Variants in WDR89 observed in about 807,000 individuals in gnomAD.
WDR89 encodes WD repeat-containing protein 89.
Under a neutral mutation model 29.1 loss-of-function variants are expected in WDR89, and 17 were observed. The observed-to-expected ratio is 0.58, with a 90% confidence interval of 0.40 to 0.88. WDR89 has a LOEUF of 0.88. Ranked by LOEUF, WDR89 falls within the 40% of genes least tolerant of loss-of-function variation. WDR89 has a pLI of 0.00. For missense variants in WDR89, 396 were observed against 456.3 expected (o/e 0.87, Z 1.20); for synonymous variants, 138 against 157.8 (o/e 0.87, Z 0.94).
At chr14:63,631,928 C>G (rs886397363) in intron 1 of WDR89, among the ~76,000 whole-genome samples, 12 of 151,252 alleles carry the variant, frequency 7.9e-5, no homozygotes, top group Non-Finnish European at 1.5e-4. Context: ...CCTGGCCAAC[C>G]TGGCGAAAAC....
chr14:63,605,041 T>C (rs1895245599), intron 2 of WDR89, among the ~76,000 whole-genome samples: 1 of 151,984 alleles, frequency 6.6e-6, no homozygotes, highest in South Asian at 2.1e-4. Flanking sequence ...TCCCATCTAC[T>C]GGGGAGGCTG....
rs1266935524 is a variant in WDR89, at chr14:63,598,345, TTAAACA to T, written c.*428_*433del. ...ACTCCAGCATAATACATTAGGTGTA[TTAAACA>T]TATAGATGCTCCTCAGATGAAGAAT... On this transcript the variant is annotated 3_prime_UTR_variant, in exon 3 of 3. Transcript: ENST00000620954. 6.5e-6 allele frequency: 1 copy of T among 153,806 alleles called. No individual in the cohort carries two copies. The highest frequency in any genetic ancestry group is 2.4e-5 in the African/African-American group (1 of 41,504). 9.5% of individuals were successfully genotyped at this position (153,806 alleles called of 1,614,324 possible).
chr14:63,610,702 C>CTTTTTTT (rs1009799974), intron 2 of WDR89, among the ~76,000 whole-genome samples: 5 of 129,140 alleles, frequency 3.9e-5, no homozygotes, highest in Admixed American at 7.9e-5. Context: ...CTTTTCTTTT[C>CTTTTTTT]TTTTTTTTTT....
chr14:63,609,689 C>T lies in WDR89; in HGVS notation c.-31-9716G>A, dbSNP rs1200153177. Among the ~76,000 whole-genome samples, 3 of 152,110 alleles carry T rather than the reference C, an allele frequency of 2.0e-5. No individual in the cohort carries two copies. The East Asian group carries it at 5.8e-4, about 29-fold the overall frequency. On this transcript the variant is annotated intron_variant, in intron 2 of 2. Coordinates refer to ENST00000620954, the MANE Select transcript of WDR89 (RefSeq NM_080666.4). ...CCTATAATCCCAGCTACATGGGAGG[C>T]TGAGGCAGGAGAATTGCTTATACCT...
chr14:63,612,363 T>C (rs1238331642), intron 2 of WDR89, among the ~76,000 whole-genome samples: 1 of 151,240 alleles, frequency 6.6e-6, no homozygotes, highest in Non-Finnish European at 1.5e-5. Flanking sequence ...ATCTCCTCTG[T>C]CGCCCGGGCT....
intron 1 of WDR89, among the ~76,000 whole-genome samples, chr14:63,632,127 C>CAAAA (rs530305788): frequency 7.2e-6 from 1 of 139,154 alleles, no homozygotes; most frequent in Non-Finnish European, 1.6e-5. Flanking sequence ...AACAAACAAA[C>CAAAA]AAAAAAAAAA....
intron 2 of WDR89, among the ~76,000 whole-genome samples, chr14:63,616,258 T>C (rs73263615): frequency 6.6e-6 from 1 of 151,912 alleles, no homozygotes; most frequent in Non-Finnish European, 1.5e-5. Flanking sequence ...TGAGACTCTG[T>C]CTCAATACCA....
chr14:63,609,173 C>CA (rs1411541975), intron 2 of WDR89, among the ~76,000 whole-genome samples: 2 of 151,450 alleles, frequency 1.3e-5, no homozygotes, highest in Non-Finnish European at 2.9e-5. Context: ...GATAGAAACA[C>CA]AAAGCAGAAG....
chr14:63,632,308 C>T (rs1487536182), intron 1 of WDR89, among the ~76,000 whole-genome samples: 1 of 151,934 alleles, frequency 6.6e-6, no homozygotes, highest in Non-Finnish European at 1.5e-5. Context: ...ATTCTGTTAT[C>T]AGACTATAGG....
intron 2 of WDR89, chr14:63,618,210 A>C (rs1463251982): frequency 2.0e-5 from 3 of 152,256 alleles, no homozygotes; most frequent in African/African-American, 7.2e-5. Context: ...GCTGGAGTAC[A>C]ATGGCACAAT....
chr14:63,613,382 T>C (rs1017488909), intron 2 of WDR89, among the ~76,000 whole-genome samples: 55 of 152,196 alleles, frequency 3.6e-4, no homozygotes, highest in Non-Finnish European at 7.5e-4. Context: ...TATTCATTGT[T>C]TTAAAAAACT....
intron 1 of WDR89, among the ~76,000 whole-genome samples, chr14:63,638,704 G>A (rs1883904197): frequency 6.6e-6 from 1 of 152,138 alleles, no homozygotes; most frequent in African/African-American, 2.4e-5. Flanking sequence ...TCCAACCTGT[G>A]GTGACTTAGG....
At chr14:63,621,066 A>G (rs1027854124) in intron 2 of WDR89, among the ~76,000 whole-genome samples, 1 of 152,104 alleles carries the variant, frequency 6.6e-6, no homozygotes, top group Non-Finnish European at 1.5e-5. Context: ...ATAAATATAT[A>G]CAACTTTTAT....
intron 2 of WDR89, among the ~76,000 whole-genome samples, chr14:63,607,565 T>C (rs1338280541): frequency 1.3e-5 from 2 of 152,214 alleles, no homozygotes; most frequent in East Asian, 3.9e-4. Flanking sequence ...AAGTCAGTTA[T>C]ACATATTTTA....
intron 1 of WDR89, among the ~76,000 whole-genome samples, chr14:63,638,106 G>A (rs1011362232): frequency 1.4e-4 from 21 of 152,096 alleles, no homozygotes; most frequent in African/African-American, 3.9e-4. Flanking sequence ...CATCATCCCC[G>A]GCTAATTTTT....
intron 1 of WDR89, among the ~76,000 whole-genome samples, chr14:63,636,254 T>C (rs1883731162): frequency 6.6e-6 from 1 of 152,086 alleles, no homozygotes; most frequent in African/African-American, 2.4e-5. Flanking sequence ...AAAACACTGC[T>C]GAAAGAAATC....
At chr14:63,628,508 G>A (rs1190658897) in intron 1 of WDR89, among the ~76,000 whole-genome samples, 9 of 152,192 alleles carry the variant, frequency 5.9e-5, no homozygotes, top group African/African-American at 2.2e-4. Context: ...TAATAGATGA[G>A]ATGGGGTCAA....
At chr14:63,626,397 G>A (rs1042341680) in intron 1 of WDR89, among the ~76,000 whole-genome samples, 27 of 151,940 alleles carry the variant, frequency 1.8e-4, no homozygotes, top group African/African-American at 5.1e-4. Flanking sequence ...TCAGCCGGGC[G>A]TGGTGCCTAA....
At chr14:63,636,541 C>T (rs889334859) in intron 1 of WDR89, among the ~76,000 whole-genome samples, 1 of 152,212 alleles carries the variant, frequency 6.6e-6, no homozygotes, top group Non-Finnish European at 1.5e-5. Context: ...GTCACCAAAA[C>T]AGCATGGTAC....
Sources: gnomAD v4.1 joint callset for allele counts (sites outside exome capture counted in the v4.1 genomes callset) on GRCh38, gnomAD v4.1.1 for gene constraint, MANE v1.5 for transcripts, NCBI Gene and HGNC (gene_info 2026-07-23, HGNC 2026-07-21) for gene names.